GPC6: variants seen among roughly 807,000 people sequenced by gnomAD.
GPC6 encodes glypican 6.
A neutral mutation model predicts 55.2 loss-of-function variants in GPC6; 14 were observed. That is an observed-to-expected ratio of 0.25 (90% CI 0.17 to 0.40). The LOEUF (loss-of-function observed/expected upper bound fraction) is 0.40. GPC6 is among the 10% of genes least tolerant of loss of function. The pLI is 1.00. For synonymous variants in GPC6, 278 were observed against 259.6 expected (o/e 1.07, Z -0.68); for missense variants, 641 against 708.5 (o/e 0.90, Z 1.08).
intron 2 of GPC6, among the ~76,000 whole-genome samples, chr13:93,679,547 G>A (rs182557221): frequency 3.9e-5 from 6 of 152,144 alleles, no homozygotes; most frequent in Admixed American, 1.3e-4. Flanking sequence ...ATCTCTAAAG[G>A]TCATCTTGTT....
chr13:93,342,560 TG>T (rs1286777175), intron 1 of GPC6, among the ~76,000 whole-genome samples: 2 of 152,170 alleles, frequency 1.3e-5, no homozygotes, highest in Non-Finnish European at 2.9e-5. Flanking sequence ...GTGGGGATTA[TG>T]GGAGCTACCA....
At chr13:93,491,796 A>G (rs12385840) in intron 1 of GPC6, among the ~76,000 whole-genome samples, 18 of 129,314 alleles carry the variant, frequency 1.4e-4, no homozygotes, top group African/African-American at 4.6e-4. Flanking sequence ...CCCATTGCTT[A>G]TTTTTCTGAG....
intron 2 of GPC6, among the ~76,000 whole-genome samples, chr13:93,714,467 G>T (rs1883183067): frequency 6.6e-6 from 1 of 151,830 alleles, no homozygotes. Context: ...AAAAAGGAAT[G>T]CTTATACACT....
chr13:94,069,045 G>T (rs1234972749), intron 4 of GPC6, among the ~76,000 whole-genome samples: 2 of 152,164 alleles, frequency 1.3e-5, no homozygotes, highest in South Asian at 4.1e-4. Flanking sequence ...TTTCCCTTCT[G>T]CACTGCCCTA....
chr13:93,262,375 G>A (rs1048052616), intron 1 of GPC6, among the ~76,000 whole-genome samples: 10 of 151,960 alleles, frequency 6.6e-5, no homozygotes, highest in African/African-American at 2.4e-4. Context: ...TTACACTTAA[G>A]TTTTCTTGCG....
chr13:93,848,786 G>A (rs1350070520), intron 3 of GPC6, among the ~76,000 whole-genome samples: 1 of 151,860 alleles, frequency 6.6e-6, no homozygotes, highest in East Asian at 1.9e-4. Flanking sequence ...AATTTGTCTT[G>A]CCCACTGCCC....
chr13:93,500,131 C>T (rs898188367), intron 1 of GPC6, among the ~76,000 whole-genome samples: 1 of 152,092 alleles, frequency 6.6e-6, no homozygotes, highest in African/African-American at 2.4e-5. Flanking sequence ...AAACCCACCA[C>T]GAGCAGATAG....
chr13:93,492,452 T>C (rs1880056134), intron 1 of GPC6, among the ~76,000 whole-genome samples: 1 of 150,778 alleles, frequency 6.6e-6, no homozygotes, highest in African/African-American at 2.5e-5. Context: ...GGATAAACAA[T>C]CATGTCGTCT....
rs947786258 is a variant in GPC6, at chr13:93,610,255, G to A, written c.319+64834G>A. On this transcript the variant is annotated intron_variant, in intron 2 of 8. Coordinates refer to ENST00000377047, the MANE Select transcript of GPC6 (RefSeq NM_005708.5). Reference sequence around the variant, plus strand: ...CAGTAGTGATTCAAAGAAGCTAGAAGTTGTTTTAAAAGCAACTGACTCTCT... The same window carrying A: ...CAGTAGTGATTCAAAGAAGCTAGAAATTGTTTTAAAAGCAACTGACTCTCT... Among the ~76,000 whole-genome samples the A allele has an allele frequency of 2.0e-5, 3 of 152,200 alleles. No homozygotes were observed. The South Asian group carries it at 6.2e-4, about 31-fold the overall frequency.
intron 4 of GPC6, chr13:94,154,387 A>G (rs1028519285): frequency 6.6e-6 from 1 of 152,178 alleles, no homozygotes; most frequent in South Asian, 2.1e-4. Flanking sequence ...TACATGGCAA[A>G]AGGTTTATAT....
intron 1 of GPC6, among the ~76,000 whole-genome samples, chr13:93,510,028 G>A (rs1380101940): frequency 6.6e-6 from 1 of 151,906 alleles, no homozygotes; most frequent in Non-Finnish European, 1.5e-5. Flanking sequence ...TAATAAACTG[G>A]GTTCTTCTGA....
At chr13:93,918,942 C>T (rs928560977) in intron 3 of GPC6, among the ~76,000 whole-genome samples, 9 of 152,166 alleles carry the variant, frequency 5.9e-5, no homozygotes, top group African/African-American at 2.2e-4. Flanking sequence ...ATATCCCATC[C>T]AAATCTCAAG....
intron 2 of GPC6, among the ~76,000 whole-genome samples, chr13:93,658,470 T>C (rs1229621246): frequency 6.6e-6 from 1 of 151,884 alleles, no homozygotes; most frequent in African/African-American, 2.4e-5. Context: ...TTTCCAAAAG[T>C]CTTACCATCT....
At chr13:93,276,836 A>T (rs1056326578) in intron 1 of GPC6, among the ~76,000 whole-genome samples, 1 of 152,022 alleles carries the variant, frequency 6.6e-6, no homozygotes, top group African/African-American at 2.4e-5. Flanking sequence ...AGCTTCTTAG[A>T]TGTGTGGTTC....
In GPC6 at chr13:93,390,060, T is replaced by G. The variant is rs534827160; in HGVS notation, c.161-155203T>G. Among the ~76,000 whole-genome samples the G allele has an allele frequency of 1.8e-3, 279 of 152,104 alleles. 1 individual carries two copies. The highest frequency in any genetic ancestry group is 0.017 in the Middle Eastern group (5 of 294). On this transcript the variant is annotated intron_variant, in intron 1 of 8. Transcript: ENST00000377047. ...TTTCTCCACCAGAAGCCTGGATCTCTTAATATGGGGATATGCTGTGTTTAA... is the reference window on the plus strand; with the variant it reads ...TTTCTCCACCAGAAGCCTGGATCTCGTAATATGGGGATATGCTGTGTTTAA...
At position 93,262,999 on chromosome 13, in the gene GPC6, G is replaced by GT. The variant is rs1304533275; in HGVS notation, c.160+35390dup. ...GAGTCTGGGTTTGCTAGCTTTATGG[G>GT]TTTTTTTAACAAAGGAGTGCAATAT... On this transcript the variant is annotated intron_variant, in intron 1 of 8. Transcript: ENST00000377047. Among the ~76,000 whole-genome samples, 10 of 152,288 alleles carry GT rather than the reference G, an allele frequency of 6.6e-5. No individual in the cohort carries two copies. The South Asian group carries it at 1.7e-3, about 25-fold the overall frequency.
intron 3 of GPC6, among the ~76,000 whole-genome samples, chr13:93,989,892 ATG>A (rs1044492131): frequency 6.9e-6 from 1 of 144,936 alleles, no homozygotes; most frequent in African/African-American, 2.5e-5. Flanking sequence ...ATATGTATAT[ATG>A]TGTGTGTGTA....
intron 2 of GPC6, among the ~76,000 whole-genome samples, chr13:93,667,465 C>T (rs1356098993): frequency 6.6e-6 from 1 of 150,898 alleles, no homozygotes; most frequent in Non-Finnish European, 1.5e-5. Context: ...CAAAGTCTCA[C>T]TCTGTCACCC....
At chr13:93,839,096 T>C (rs1303611311) in intron 3 of GPC6, among the ~76,000 whole-genome samples, 2 of 152,026 alleles carry the variant, frequency 1.3e-5, no homozygotes, top group Non-Finnish European at 2.9e-5. Flanking sequence ...CTGTGGCAGA[T>C]AGTTAAGTGG....
Sources: gnomAD v4.1 joint callset for allele counts (sites outside exome capture counted in the v4.1 genomes callset) on GRCh38, gnomAD v4.1.1 for gene constraint, MANE v1.5 for transcripts, NCBI Gene and HGNC (gene_info 2026-07-23, HGNC 2026-07-21) for gene names.